The following SLC29A3 variants were observed in gnomAD, a reference collection of about 807,000 sequenced individuals.
The protein encoded by SLC29A3 is equilibrative nucleoside transporter 3.
A neutral mutation model predicts 25.4 loss-of-function variants in SLC29A3; 18 were observed. That is an observed-to-expected ratio of 0.71 (90% CI 0.49 to 1.05). The LOEUF (loss-of-function observed/expected upper bound fraction) is 1.05. Among genes scored for constraint, SLC29A3 ranks in the 50% least tolerant of loss-of-function variants. SLC29A3 has a pLI of 0.00. For synonymous variants in SLC29A3, 258 were observed against 267.1 expected (o/e 0.97, Z 0.33); for missense variants, 586 against 609.0 (o/e 0.96, Z 0.40).
intron 1 of SLC29A3, chr10:71,319,629 C>T (rs889165287): frequency 1.2e-5 from 4 of 333,482 alleles, no homozygotes; most frequent in South Asian, 1.3e-4. Flanking sequence ...CTGATTCTCT[C>T]GGTCCCAGCT....
Position 71,327,296 on chromosome 10 carries a change from T to C in SLC29A3, c.300+4242T>C, listed in dbSNP as rs76824216. ...AAATGTGGGGATGGCTTAGAAAGTA[T>C]CCTGCTCACTCTGCCCTCCTGTCTC... On this transcript the variant is annotated intron_variant, in intron 2 of 5. Coordinates refer to ENST00000373189, the MANE Select transcript of SLC29A3 (RefSeq NM_018344.6). Among the ~76,000 whole-genome samples, 1,477 of 152,300 alleles carry C rather than the reference T, an allele frequency of 9.7e-3. 17 individuals are homozygous for C. The highest frequency in any genetic ancestry group is 0.031 in the African/African-American group (1,288 of 41,558).
At chr10:71,346,743 T>C in intron 3 of SLC29A3, among the ~76,000 whole-genome samples, 1 of 152,136 alleles carries the variant, frequency 6.6e-6, no homozygotes, top group East Asian at 1.9e-4. Flanking sequence ...CATCTGTGCT[T>C]GGAACCCCTG....
At chr10:71,335,571 G>A (rs1846227118) in intron 2 of SLC29A3, among the ~76,000 whole-genome samples, 1 of 152,200 alleles carries the variant, frequency 6.6e-6, no homozygotes, top group African/African-American at 2.4e-5. Flanking sequence ...GAGACTGGGT[G>A]GACACGTGAG....
chr10:71,373,343 T>C (rs1847225823), intron 3 of SLC29A3, among the ~76,000 whole-genome samples: 1 of 152,176 alleles, frequency 6.6e-6, no homozygotes, highest in Admixed American at 6.5e-5. Flanking sequence ...ACAGGTCAAA[T>C]GTCAAAGTGT....
chr10:71,319,699 C>T, intron 1 of SLC29A3: 1 of 209,258 alleles, frequency 4.8e-6, no homozygotes, highest in Non-Finnish European at 9.4e-6. Context: ...GGCCAGTAGG[C>T]GGTGCCCTGC....
At position 71,362,727 on chromosome 10, in the gene SLC29A3, A is replaced by G; in HGVS notation, c.*119A>G. ...TTCACTTGGGGACAGAGAGCAGAGCACACTCGGGCCTCATCCCTCCCAAGA... is the reference window on the plus strand; with the variant it reads ...TTCACTTGGGGACAGAGAGCAGAGCGCACTCGGGCCTCATCCCTCCCAAGA... On this transcript the variant is annotated 3_prime_UTR_variant, in exon 6 of 6. Coordinates refer to ENST00000373189, the MANE Select transcript of SLC29A3 (RefSeq NM_018344.6). The G allele has an allele frequency of 7.3e-7, 1 of 1,364,738 alleles. No homozygotes were observed. Among genetic ancestry groups the G allele is most frequent in the South Asian group, 1.2e-5 (1 of 82,350 alleles). 84.5% of individuals were successfully genotyped at this position (1,364,738 alleles called of 1,614,324 possible).
At chr10:71,355,954 A>G in intron 4 of SLC29A3, 127 bp from the exon 5 acceptor site, 1 of 1,040,740 alleles carries the variant, frequency 9.6e-7, no homozygotes, top group Non-Finnish European at 1.5e-6. Flanking sequence ...GGACACTGAG[A>G]GAGCTTTGGC....
chr10:71,351,202 C>T (rs1042744808), intron 3 of SLC29A3, among the ~76,000 whole-genome samples: 1 of 152,178 alleles, frequency 6.6e-6, no homozygotes, highest in Admixed American at 6.5e-5. Flanking sequence ...CTGGTGTCCT[C>T]GTGTCCTTGA....
At chr10:71,323,159 C>A (rs1845892849) in intron 2 of SLC29A3, 105 bp downstream of exon 2, 2 of 1,433,800 alleles carry the variant, frequency 1.4e-6, no homozygotes, top group Admixed American at 3.6e-5. Flanking sequence ...GCCTTTAGAT[C>A]ACTTACTGTT....
At chr10:71,377,850 G>GTAGGGAAACTATGGTTA (rs55781960) in intron 4 of SLC29A3, among the ~76,000 whole-genome samples, 3 of 152,030 alleles carry the variant, frequency 2.0e-5, no homozygotes, top group African/African-American at 7.2e-5. Flanking sequence ...ATCTGATTTT[G>GTAGGGAAACTATGGTTA]CTGTCCCAAG....
rs2487066 is a variant in SLC29A3 at position 71,361,834 on chromosome 10, A to C, written c.774-120A>C. On this transcript the variant is annotated intron_variant, in intron 5 of 5. Transcript: ENST00000373189. ...CTCAGGGAACGCTGGAGCTGTGGGC[A>C]TACGGGGCTTGGGCTCTCCATGCTG... 0.59 allele frequency: 696,873 copies of C among 1,172,390 alleles called. 210,715 individuals are homozygous for C. The highest frequency in any genetic ancestry group is 0.64 in the Middle Eastern group (2,370 of 3,690). The allele number at this position is 1,172,390 out of a possible 1,614,324, so 72.6% of individuals were successfully genotyped here.
chr10:71,337,438 CGCT>C (rs1846281845), intron 2 of SLC29A3, among the ~76,000 whole-genome samples: 1 of 152,246 alleles, frequency 6.6e-6, no homozygotes, highest in South Asian at 2.1e-4. Flanking sequence ...CCAACCTGCT[CGCT>C]GCTGCTAATT....
chr10:71,334,164 G>A (rs764107682), intron 2 of SLC29A3, among the ~76,000 whole-genome samples: 2 of 152,208 alleles, frequency 1.3e-5, no homozygotes, highest in Admixed American at 6.5e-5. Context: ...ATATGAGACC[G>A]TAGATTGGGA....
chr10:71,348,293 A>G (rs1053606749), intron 3 of SLC29A3, among the ~76,000 whole-genome samples: 2 of 152,208 alleles, frequency 1.3e-5, no homozygotes, highest in Non-Finnish European at 2.9e-5. Context: ...AACTGGTTCA[A>G]ACTTCTTGGC....
At chr10:71,353,555 C>G (rs1431858118) in intron 4 of SLC29A3, among the ~76,000 whole-genome samples, 2 of 152,104 alleles carry the variant, frequency 1.3e-5, no homozygotes, top group East Asian at 3.9e-4. Flanking sequence ...TCAGAAAGTC[C>G]GTTCAGAAAA....
exon 5 of SLC29A3, chr10:71,380,760 G>A (rs978432291): frequency 3.3e-5 from 5 of 152,070 alleles, no homozygotes; most frequent in African/African-American, 9.7e-5. Context: ...GTCCCAAACC[G>A]ACCCCCTACT....
chr10:71,374,330 C>A (rs1201750384), intron 3 of SLC29A3, among the ~76,000 whole-genome samples: 2 of 152,196 alleles, frequency 1.3e-5, no homozygotes, highest in African/African-American at 4.8e-5. Context: ...CCATTTCCCA[C>A]CCCCTCAGGA....
chr10:71,363,356 C>A lies in SLC29A3; in HGVS notation c.*748C>A. The A allele has an allele frequency of 2.2e-6, 1 of 454,106 alleles. No homozygotes were observed. Among genetic ancestry groups the A allele is most frequent in the South Asian group, 1.6e-5 (1 of 64,476 alleles). The allele number at this position is 454,106 out of a possible 1,614,324, so 28.1% of individuals were successfully genotyped here. On this transcript the variant is annotated 3_prime_UTR_variant, in exon 6 of 6. Coordinates refer to ENST00000373189, the MANE Select transcript of SLC29A3 (RefSeq NM_018344.6). Reference sequence around the variant, plus strand: ...TTACAACATGTCAAAGCCATTGGTTCAAGGGCGTAATAAATACTTGCGTAT... The same window carrying A: ...TTACAACATGTCAAAGCCATTGGTTAAAGGGCGTAATAAATACTTGCGTAT...
chr10:71,346,057 C>G (rs1297711460), intron 3 of SLC29A3, among the ~76,000 whole-genome samples: 1 of 152,166 alleles, frequency 6.6e-6, no homozygotes, highest in East Asian at 1.9e-4. Context: ...TGCACTGCAA[C>G]CCAGGAGGGA....
Sources: allele counts gnomAD v4.1 joint callset (sites outside exome capture counted in the v4.1 genomes callset), GRCh38; gene constraint gnomAD v4.1.1; transcripts MANE v1.5; gene names NCBI Gene and HGNC (gene_info 2026-07-23, HGNC 2026-07-21).